Variants in GNAZ observed in about 807,000 individuals in gnomAD.
The protein encoded by GNAZ is G protein subunit alpha z.
Under a neutral mutation model 25.4 loss-of-function variants are expected in GNAZ, and 3 were observed. That is an observed-to-expected ratio of 0.12 (90% CI 0.05 to 0.30). GNAZ has a LOEUF of 0.30. Ranked by LOEUF, GNAZ falls within the 10% of genes least tolerant of loss-of-function variation. GNAZ has a pLI of 1.00. For synonymous variants in GNAZ, 211 were observed against 205.7 expected (o/e 1.03, Z -0.22); for missense variants, 241 against 501.8 (o/e 0.48, Z 4.97).
intron 2 of GNAZ, among the ~76,000 whole-genome samples, chr22:23,107,616 G>C (rs1010304724): frequency 7.2e-5 from 11 of 152,100 alleles, no homozygotes; most frequent in African/African-American, 2.4e-4. Flanking sequence ...CAGAAGCTGG[G>C]GCGGGAGCAG....
chr22:23,123,390 G>A lies in GNAZ; in HGVS notation c.1027G>A (p.Val343Ile), dbSNP rs776278844. ...IQFVFDAVTD[V>I]IIQNNLKYIG... The stretch of plus-strand genomic sequence containing the variant: ...GTTTGTCTTCGACGCGGTGACAGAC[G>A]TCATCATACAGAACAATCTCAAGTA... Residue 343 changes from valine to isoleucine, a missense_variant, in exon 3 of 3, where the codon GTC becomes ATC. Val to Ile is a conservative substitution (Grantham distance 29). Transcript: ENST00000615612. 1 of 1,613,786 alleles carries A rather than the reference G, an allele frequency of 6.2e-7. No homozygotes were observed. Among genetic ancestry groups the A allele is most frequent in the Non-Finnish European group, 8.5e-7 (1 of 1,179,870 alleles).
intron 1 of GNAZ, among the ~76,000 whole-genome samples, chr22:23,079,222 C>T (rs543426619): frequency 5.3e-5 from 8 of 152,324 alleles, no homozygotes; most frequent in East Asian, 3.9e-4. Flanking sequence ...AGGCAGCACA[C>T]GTGGTGTGGC....
chr22:23,105,392 T>A (rs2069436630), intron 2 of GNAZ, among the ~76,000 whole-genome samples: 1 of 152,202 alleles, frequency 6.6e-6, no homozygotes, highest in South Asian at 2.1e-4. Context: ...AGGCAGAGGT[T>A]CCCCACTGGG....
intron 1 of GNAZ, among the ~76,000 whole-genome samples, chr22:23,087,378 C>T (rs2068848313): frequency 6.6e-6 from 1 of 152,098 alleles, no homozygotes; most frequent in African/African-American, 2.4e-5. Flanking sequence ...GTGGGAGGAT[C>T]GCTTGAGCCC....
rs140044088 is a variant in GNAZ at position 23,102,101 on chromosome 22, C to T, written c.723+5683C>T. 1.1e-3 allele frequency among the ~76,000 whole-genome samples: 165 copies of T among 152,370 alleles called. 1 individual carries two copies. The highest frequency in any genetic ancestry group is 3.8e-3 in the African/African-American group (157 of 41,600). On this transcript the variant is annotated intron_variant, in intron 2 of 2. Coordinates refer to ENST00000615612, the MANE Select transcript of GNAZ (RefSeq NM_002073.4). ...CACTTGTGAACAGCCCCTGCCATCC[C>T]TTCAGCACCGGCTCCCCGCATCCAA...
At chr22:23,072,046 C>T (rs761575392) in intron 1 of GNAZ, among the ~76,000 whole-genome samples, 3 of 152,048 alleles carry the variant, frequency 2.0e-5, no homozygotes, top group Non-Finnish European at 4.4e-5. Flanking sequence ...GTTCCATGAC[C>T]CCATGAGCTG....
chr22:23,097,899 A>G (rs915112942), intron 2 of GNAZ, among the ~76,000 whole-genome samples: 2 of 152,230 alleles, frequency 1.3e-5, no homozygotes, highest in African/African-American at 4.8e-5. Flanking sequence ...CAGGCGTGGC[A>G]AATTCCCCGG....
In GNAZ at chr22:23,095,816, A is replaced by G. The variant is rs1190591240; in HGVS notation, c.121A>G (p.Thr41Ala). Reference protein sequence around the residue: ...RREIKLLLLGTSNSGKSTIVK... With the variant: ...RREIKLLLLGASNSGKSTIVK... ...CGAAATCAAGCTGCTCCTGCTGGGC[A>G]CCAGCAACTCAGGCAAGAGCACCAT... Residue 41 changes from threonine to alanine, a missense_variant, in exon 2 of 3, where the codon ACC becomes GCC. By Grantham distance (58) the Thr-to-Ala change is moderately conservative (BLOSUM62 0). Transcript: ENST00000615612. The G allele has an allele frequency of 6.2e-7, 1 of 1,613,488 alleles. No homozygotes were observed. Among genetic ancestry groups the G allele is most frequent in the Non-Finnish European group, 8.5e-7 (1 of 1,179,970 alleles).
chr22:23,102,119 G>A (rs761684401), intron 2 of GNAZ, among the ~76,000 whole-genome samples: 5 of 152,208 alleles, frequency 3.3e-5, no homozygotes, highest in African/African-American at 4.8e-5. Context: ...CCGGCTCCCC[G>A]CATCCAAGTT....
At chr22:23,079,078 A>T (rs12484422) in intron 1 of GNAZ, among the ~76,000 whole-genome samples, 136,128 of 152,256 alleles carry the variant, frequency 0.89, 61,225 homozygotes, top group African/African-American at 0.98. Flanking sequence ...TGCTAGGTCC[A>T]TGTGGGCACA....
At position 23,123,870 on chromosome 22, in the gene GNAZ, C is replaced by A; in HGVS notation, c.*439C>A. The A allele has an allele frequency of 4.6e-6, 1 of 218,430 alleles. No homozygotes were observed. The allele number at this position is 218,430 out of a possible 1,614,324, so 13.5% of individuals were successfully genotyped here. ...CCTGGAGGAGGGCCAGCTCGCTGCC[C>A]GAGCTCTGGCCTAGGGACCTTGCCG... On this transcript the variant is annotated 3_prime_UTR_variant, in exon 3 of 3. Transcript: ENST00000615612.
rs140623751 is a variant in GNAZ at position 23,107,180 on chromosome 22, C to T, written c.723+10762C>T. On this transcript the variant is annotated intron_variant, in intron 2 of 2. Coordinates refer to ENST00000615612, the MANE Select transcript of GNAZ (RefSeq NM_002073.4). ...TTACTATGAGCACTACAGTTGTCACCAGGCATAGTTGCAGGGGGGAGGGGG... is the reference window on the plus strand; with the variant it reads ...TTACTATGAGCACTACAGTTGTCACTAGGCATAGTTGCAGGGGGGAGGGGG... Among the ~76,000 whole-genome samples, 870 of 152,316 alleles carry T rather than the reference C, an allele frequency of 5.7e-3. 9 individuals carry two copies. The highest frequency in any genetic ancestry group is 0.023 in the South Asian group (109 of 4,826).
At chr22:23,107,474 C>T (rs1368108746) in intron 2 of GNAZ, among the ~76,000 whole-genome samples, 1 of 152,198 alleles carries the variant, frequency 6.6e-6, no homozygotes, top group Non-Finnish European at 1.5e-5. Flanking sequence ...CTGAGAGTGT[C>T]TGAGGACAGG....
intron 2 of GNAZ, among the ~76,000 whole-genome samples, chr22:23,104,254 GCA>G (rs1337476254): frequency 6.6e-6 from 1 of 152,202 alleles, no homozygotes. Flanking sequence ...AAGGTCGCAG[GCA>G]CAGTGTCCAG....
At chr22:23,093,312 C>T (rs929327658) in intron 1 of GNAZ, among the ~76,000 whole-genome samples, 8 of 152,246 alleles carry the variant, frequency 5.3e-5, no homozygotes, top group African/African-American at 1.9e-4. Flanking sequence ...CCTGGTGAAG[C>T]GGGAAAGTTC....
chr22:23,123,317 G>A lies in GNAZ; in HGVS notation c.954G>A (p.Lys318=). 6.2e-7 allele frequency: 1 copy of A among 1,613,304 alleles called. No homozygotes were observed. Among genetic ancestry groups the A allele is most frequent in the Non-Finnish European group, 8.5e-7 (1 of 1,179,704 alleles). The stretch of plus-strand genomic sequence containing the variant: ...ACCTGAACCGCAACAAGGAGACCAA[G>A]GAGATCTACTCCCACTTCACCTGCG... ...FEDLNRNKET[K]EIYSHFTCAT... The change falls in exon 3 of 3, where the codon AAG becomes AAA. Residue 318 remains lysine, a synonymous_variant. Transcript: ENST00000615612.
chr22:23,095,895 A>G lies in GNAZ; in HGVS notation c.200A>G (p.Lys67Arg). 1 of 1,613,738 alleles carries G rather than the reference A, an allele frequency of 6.2e-7. No homozygotes were observed. The highest frequency in any genetic ancestry group is 8.5e-7 in the Non-Finnish European group (1 of 1,180,016). Reference sequence around the variant, plus strand: ...GGCGGCTTCAACCTGGAGGCCTGCAAGGAGTACAAGCCCCTCATCATCTAC... The same window carrying G: ...GGCGGCTTCAACCTGGAGGCCTGCAGGGAGTACAAGCCCCTCATCATCTAC... ...HSGGFNLEAC[K>R]EYKPLIIYNA... The change falls in exon 2 of 3, where the codon AAG (lysine) becomes AGG (arginine). Residue 67 changes from lysine to arginine, a missense_variant. By Grantham distance (26) the Lys-to-Arg change is conservative. Transcript: ENST00000615612.
chr22:23,096,514 A>G (rs1251350771), intron 2 of GNAZ, 96 bp downstream of exon 2: 2 of 1,308,526 alleles, frequency 1.5e-6, no homozygotes, highest in East Asian at 2.3e-5. Flanking sequence ...CTGCAGCCAG[A>G]AAGGGAACCA....
intron 2 of GNAZ, among the ~76,000 whole-genome samples, chr22:23,112,807 T>C (rs1260768594): frequency 1.3e-5 from 2 of 151,862 alleles, no homozygotes; most frequent in African/African-American, 2.4e-5. Context: ...TCAGTGGGGA[T>C]AGGGACCTGG....
Sources: allele counts gnomAD v4.1 joint callset (sites outside exome capture counted in the v4.1 genomes callset), GRCh38; gene constraint gnomAD v4.1.1; transcripts MANE v1.5; gene names NCBI Gene and HGNC (gene_info 2026-07-23, HGNC 2026-07-21).